The following OBI1 variants were observed in gnomAD, a reference collection of about 807,000 sequenced individuals.
OBI1 encodes the protein ORC ubiquitin ligase 1, also known as ring finger protein 219.
Under a neutral mutation model 62.4 loss-of-function variants are expected in OBI1, and 59 were observed. The ratio of observed to expected loss-of-function variants is 0.95; its 90% CI spans 0.77 to 1.17. The LOEUF is 1.17. Ranked by LOEUF, OBI1 falls within the 50% of genes most tolerant of loss-of-function variation. The probability of loss-of-function intolerance (pLI) is 0.00; values close to 1 mark genes in which losing one functional copy is unlikely to be tolerated. For missense variants in OBI1, 875 were observed against 830.9 expected (o/e 1.05, Z -0.65); for synonymous variants, 302 against 292.8 (o/e 1.03, Z -0.32).
chr13:78,653,486 C>T (rs890374344), intron 1 of OBI1, among the ~76,000 whole-genome samples: 4 of 152,200 alleles, frequency 2.6e-5, no homozygotes, highest in African/African-American at 4.8e-5. Flanking sequence ...AATAATGATA[C>T]AGGTTATAAA....
At chr13:78,622,941 G>A (rs1351528005) in intron 5 of OBI1, among the ~76,000 whole-genome samples, 1 of 152,096 alleles carries the variant, frequency 6.6e-6, no homozygotes, top group African/African-American at 2.4e-5. Context: ...AAAGCCTCTG[G>A]CATCTCTTTT....
chr13:78,645,049 A>T (rs781546346), intron 1 of OBI1, 52 bp from the exon 2 acceptor site: 8 of 1,538,430 alleles, frequency 5.2e-6, no homozygotes, highest in African/African-American at 1.4e-5. Flanking sequence ...TAATTAGAAG[A>T]TCAAATGGTT....
At chr13:78,634,653 C>A (rs139494014) in intron 5 of OBI1, among the ~76,000 whole-genome samples, 228 of 152,248 alleles carry the variant, frequency 1.5e-3, no homozygotes, top group African/African-American at 5.4e-3. Context: ...TTAATTTAAA[C>A]TCTTTATGCC....
chr13:78,645,124 G>C, intron 1 of OBI1, 127 bp from the exon 2 acceptor site: 1 of 876,680 alleles, frequency 1.1e-6, no homozygotes, highest in East Asian at 2.6e-5. Context: ...GATATCTAGC[G>C]CTTTTAAAAA....
intron 4 of OBI1, among the ~76,000 whole-genome samples, chr13:78,636,105 T>TAA (rs887388818): frequency 1.3e-5 from 2 of 149,594 alleles, no homozygotes; most frequent in Middle Eastern, 3.4e-3. Context: ...GTTCTTCGAT[T>TAA]AAAAAAAAAA....
chr13:78,642,352 C>A, intron 2 of OBI1, 139 bp from the exon 3 acceptor site: 1 of 547,980 alleles, frequency 1.8e-6, no homozygotes, highest in East Asian at 2.9e-5. Flanking sequence ...GGGCTTACAT[C>A]TAGGCCTTTT....
intron 1 of OBI1, among the ~76,000 whole-genome samples, chr13:78,650,062 G>A (rs780349389): frequency 6.2e-4 from 94 of 152,180 alleles, no homozygotes; most frequent in Non-Finnish European, 1.1e-3. Context: ...TCCTTTTCCA[G>A]GTCTGTGGTT....
rs1308041934 is a variant in OBI1 at position 78,638,840 on chromosome 13, C to T, written c.532G>A (p.Val178Met). The T allele has an allele frequency of 2.5e-6, 4 of 1,612,932 alleles. No homozygotes were observed. Among genetic ancestry groups the T allele is most frequent in the Admixed American group, 1.7e-5 (1 of 59,912 alleles). ...NEIYEKVKDD[V>M]DKLKEANKKL... ...CAACTTACCTCCTTTAGCTTATCCA[C>T]ATCATCTTTCACTTTTTCATAGATT... Residue 178 changes from valine to methionine, a missense_variant, in exon 4 of 6, where the codon GTG (valine) becomes ATG (methionine). By Grantham distance (21) the Val-to-Met change is conservative. Coordinates refer to ENST00000282003, the MANE Select transcript of OBI1 (RefSeq NM_024546.4).
intron 1 of OBI1, among the ~76,000 whole-genome samples, chr13:78,654,288 T>C (rs1876632905): frequency 6.6e-6 from 1 of 152,232 alleles, no homozygotes; most frequent in African/African-American, 2.4e-5. Context: ...AAATGCAATA[T>C]TGTTATACTT....
At chr13:78,643,745 G>A (rs772574713) in intron 2 of OBI1, among the ~76,000 whole-genome samples, 4 of 151,658 alleles carry the variant, frequency 2.6e-5, no homozygotes, top group African/African-American at 4.8e-5. Flanking sequence ...CCGAGAACGC[G>A]CCACTGCACT....
chr13:78,628,750 G>GGACAAAATGGAAGAAGGGAAATTT lies in OBI1; in HGVS notation c.638+6336_638+6359dup, dbSNP rs552913416. Among the ~76,000 whole-genome samples the GGACAAAATGGAAGAAGGGAAATTT allele has an allele frequency of 8.0e-3, 1,224 of 152,186 alleles. 6 individuals carry two copies. The highest frequency in any genetic ancestry group is 0.013 in the Non-Finnish European group (909 of 67,992). ...AAAATGAATTGGGTAGGGAAAGGAC[G>GGACAAAATGGAAGAAGGGAAATTT]GACAAAATGGAAGAAGGGAAATTTG... On this transcript the variant is annotated intron_variant, in intron 5 of 5. Coordinates refer to ENST00000282003, the MANE Select transcript of OBI1 (RefSeq NM_024546.4).
At position 78,616,961 on chromosome 13, in the gene OBI1, A is replaced by G. The variant is rs769906189; in HGVS notation, c.800T>C (p.Met267Thr). 136 of 1,614,066 alleles carry G rather than the reference A, an allele frequency of 8.4e-5. No individual in the cohort carries two copies. The highest frequency in any genetic ancestry group is 1.6e-4 in the South Asian group (15 of 91,086). The change falls in exon 6 of 6, where the codon ATG becomes ACG. Residue 267 changes from methionine to threonine, a missense_variant. Transcript: ENST00000282003. Reference protein sequence around the residue: ...LKNSSEEKEAMNSICQTALSA... With the variant: ...LKNSSEEKEATNSICQTALSA... The stretch of plus-strand genomic sequence containing the variant: ...AAGTGCTGTCTGGCAAATGGAATTC[A>G]TAGCTTCTTTCTCTTCACTTGAATT...
intron 2 of OBI1, among the ~76,000 whole-genome samples, chr13:78,643,757 C>G (rs1013860211): frequency 1.1e-4 from 17 of 151,790 alleles, no homozygotes; most frequent in East Asian, 5.8e-4. Context: ...CACTGCACTC[C>G]AGCCTGGGTA....
At position 78,622,541 on chromosome 13, in the gene OBI1, T is replaced by C. The variant is rs143479692; in HGVS notation, c.639-5419A>G. On this transcript the variant is annotated intron_variant, in intron 5 of 5. Coordinates refer to ENST00000282003, the MANE Select transcript of OBI1 (RefSeq NM_024546.4). Reference sequence around the variant, plus strand: ...GACTTGCCTGTCTACATAGCCATAGTAGCTTCTCATTTCCTAAATTTCAGA... The same window carrying C: ...GACTTGCCTGTCTACATAGCCATAGCAGCTTCTCATTTCCTAAATTTCAGA... Among the ~76,000 whole-genome samples the C allele has an allele frequency of 1.2e-3, 183 of 152,366 alleles. 2 individuals are homozygous for C. The South Asian group carries it at 0.034, about 28-fold the overall frequency.
chr13:78,617,141 T>C lies in OBI1; in HGVS notation c.639-19A>G, dbSNP rs371456228. On this transcript the variant is annotated intron_variant, in intron 5 of 5. Transcript: ENST00000282003. ...TCCAAACCTACAAAGAATGGAAAGA[T>C]AGTTAATCTTATAACTCAAGCTTTT... is the stretch of plus-strand genomic sequence containing the variant. The C allele has an allele frequency of 1.1e-5, 17 of 1,511,422 alleles. No homozygotes were observed. The highest frequency in any genetic ancestry group is 1.4e-5 in the Non-Finnish European group (16 of 1,129,754). The allele number at this position is 1,511,422 out of a possible 1,614,324, so 93.6% of individuals were successfully genotyped here. A position where few individuals can be genotyped will look rare whatever the true frequency, so the allele number is the denominator to read the frequency against.
At chr13:78,654,281 T>C (rs1876632691) in intron 1 of OBI1, among the ~76,000 whole-genome samples, 1 of 152,236 alleles carries the variant, frequency 6.6e-6, no homozygotes, top group Admixed American at 6.5e-5. Context: ...ATGTATAAAA[T>C]GCAATATTGT....
chr13:78,658,659 G>A (rs981240769), intron 1 of OBI1, among the ~76,000 whole-genome samples: 6 of 152,204 alleles, frequency 3.9e-5, no homozygotes, highest in Non-Finnish European at 8.8e-5. Context: ...GAGGCTCCCA[G>A]GAAATGTGTT....
chr13:78,616,834 A>C lies in OBI1; in HGVS notation c.927T>G (p.Ser309=). ...TGCTGGAAGGCTTCGCTAGGTGAGAAGAACTGGAGGTGGATGAGCCAGGCT... is the reference window on the plus strand; with the variant it reads ...TGCTGGAAGGCTTCGCTAGGTGAGACGAACTGGAGGTGGATGAGCCAGGCT... The part of the protein sequence containing the change: ...RKQPGSSTSS[S]SHLAKPSSSR... Residue 309 remains serine (S), a synonymous_variant, in exon 6 of 6, where the codon TCT becomes TCG. Transcript: ENST00000282003. The C allele has an allele frequency of 2.5e-6, 4 of 1,614,188 alleles. No individual in the cohort carries two copies. The highest frequency in any genetic ancestry group is 3.4e-6 in the Non-Finnish European group (4 of 1,180,020).
intron 4 of OBI1, among the ~76,000 whole-genome samples, chr13:78,636,695 C>T (rs1876040369): frequency 6.6e-6 from 1 of 152,174 alleles, no homozygotes; most frequent in East Asian, 1.9e-4. Flanking sequence ...CTTTAAGTGA[C>T]TGATAAACAC....
Sources: allele counts gnomAD v4.1 joint callset (sites outside exome capture counted in the v4.1 genomes callset), GRCh38; gene constraint gnomAD v4.1.1; transcripts MANE v1.5; gene names NCBI Gene and HGNC (gene_info 2026-07-23, HGNC 2026-07-21).